DRAM1: variants seen among roughly 807,000 people sequenced by gnomAD.
DRAM1 encodes DNA damage-regulated autophagy modulator protein 1.
Under a neutral mutation model 28.5 loss-of-function variants are expected in DRAM1, and 25 were observed. The observed-to-expected ratio is 0.88, with a 90% CI of 0.64 to 1.23. The LOEUF (loss-of-function observed/expected upper bound fraction) is 1.23, where lower values mean the gene tolerates loss of function less well. DRAM1 is among the 50% of genes most tolerant of loss of function. The pLI is 0.00. For synonymous variants in DRAM1, 113 were observed against 114.2 expected (o/e 0.99, Z 0.07); for missense variants, 249 against 299.2 (o/e 0.83, Z 1.24).
At chr12:101,880,830 A>T (rs1872664045) in intron 1 of DRAM1, among the ~76,000 whole-genome samples, 1 of 152,192 alleles carries the variant, frequency 6.6e-6, no homozygotes. Flanking sequence ...CACAGACCCT[A>T]CAAGGAAGGG....
At chr12:101,883,995 A>G (rs1872785945) in intron 1 of DRAM1, among the ~76,000 whole-genome samples, 2 of 152,128 alleles carry the variant, frequency 1.3e-5, no homozygotes, top group Admixed American at 1.3e-4. Context: ...GTGAGATATA[A>G]CAAGTTAGAA....
chr12:101,906,388 G>GAGT (rs77146917), intron 3 of DRAM1, among the ~76,000 whole-genome samples: 17,138 of 152,232 alleles, frequency 0.11, 1,008 homozygotes, highest in Middle Eastern at 0.18. Context: ...GCTGGGGGAA[G>GAGT]AGTGTGTTCA....
chr12:101,879,728 G>C (rs1872623962), intron 1 of DRAM1, among the ~76,000 whole-genome samples: 1 of 151,948 alleles, frequency 6.6e-6, no homozygotes, highest in African/African-American at 2.4e-5. Context: ...GGGCACAGTG[G>C]CTCACGCCTG....
chr12:101,903,983 T>C (rs550245917), intron 3 of DRAM1, among the ~76,000 whole-genome samples: 2 of 151,682 alleles, frequency 1.3e-5, no homozygotes, highest in South Asian at 4.2e-4. Flanking sequence ...CTCATAAATA[T>C]GAACAATTAT....
chr12:101,905,527 C>T (rs1004848319), intron 3 of DRAM1, among the ~76,000 whole-genome samples: 1 of 152,044 alleles, frequency 6.6e-6, no homozygotes, highest in African/African-American at 2.4e-5. Context: ...AGTGATACAC[C>T]TGCCTTGGCC....
chr12:101,918,012 C>T (rs939683819), intron 5 of DRAM1, among the ~76,000 whole-genome samples: 2 of 152,220 alleles, frequency 1.3e-5, no homozygotes, highest in Non-Finnish European at 2.9e-5. Context: ...CACTTTCTAT[C>T]TTAAAAATGT....
intron 1 of DRAM1, among the ~76,000 whole-genome samples, chr12:101,894,697 T>TTG (rs1873281400): frequency 6.6e-6 from 1 of 152,140 alleles, no homozygotes; most frequent in African/African-American, 2.4e-5. Context: ...ATAGACAGAG[T>TTG]CCCCAGGTCT....
At chr12:101,878,992 TAAAA>T (rs1872595775) in intron 1 of DRAM1, among the ~76,000 whole-genome samples, 2 of 131,056 alleles carry the variant, frequency 1.5e-5, no homozygotes, top group South Asian at 5.1e-4. Context: ...TAGCATTTTT[TAAAA>T]TTTTTTTTAT....
At chr12:101,911,166 G>T (rs1874027606) in intron 4 of DRAM1, among the ~76,000 whole-genome samples, 1 of 152,118 alleles carries the variant, frequency 6.6e-6, no homozygotes, top group Non-Finnish European at 1.5e-5. Context: ...AACCAGGAGT[G>T]GGAGGTTACA....
chr12:101,882,407 G>GC (rs1268517128), intron 1 of DRAM1, among the ~76,000 whole-genome samples: 3 of 151,210 alleles, frequency 2.0e-5, no homozygotes, highest in Non-Finnish European at 2.9e-5. Flanking sequence ...ACCGCGCCCG[G>GC]CCCCTGATGG....
At chr12:101,916,725 A>G (rs1281914767) in intron 5 of DRAM1, among the ~76,000 whole-genome samples, 1 of 152,186 alleles carries the variant, frequency 6.6e-6, no homozygotes, top group African/African-American at 2.4e-5. Context: ...GGGATCATGG[A>G]CCAGAGAGAA....
chr12:101,920,192 A>G lies in DRAM1; in HGVS notation c.663A>G (p.Gln221=), dbSNP rs765680173. The change falls in exon 6 of 7, where the codon CAA becomes CAG. Residue 221 remains glutamine (Q), a synonymous_variant. Coordinates refer to ENST00000258534, the MANE Select transcript of DRAM1 (RefSeq NM_018370.3). ...GFIFYFLTFI[Q]DFQSVTLRIS... The stretch of plus-strand genomic sequence containing the variant: ...TTTTCTACTTCCTAACTTTCATCCA[A>G]GATTTCCAGGTAGGTGTTTATCAAT... The G allele has an allele frequency of 2.5e-6, 4 of 1,609,160 alleles. No individual in the cohort carries two copies. Among genetic ancestry groups the G allele is most frequent in the Non-Finnish European group, 3.4e-6 (4 of 1,177,228 alleles).
intron 1 of DRAM1, chr12:101,890,311 C>T (rs891979208): frequency 7.5e-6 from 2 of 265,560 alleles, no homozygotes; most frequent in Non-Finnish European, 1.5e-5. Context: ...AACTCCTGAC[C>T]TCAGGTGATC....
chr12:101,898,819 T>A (rs1274445597), intron 2 of DRAM1, among the ~76,000 whole-genome samples: 4 of 152,194 alleles, frequency 2.6e-5, no homozygotes, highest in Non-Finnish European at 5.9e-5. Flanking sequence ...ATAGTATGAT[T>A]TTTCTTTTCA....
intron 5 of DRAM1, among the ~76,000 whole-genome samples, chr12:101,915,065 T>C (rs146513732): frequency 0.047 from 7,054 of 151,674 alleles, 552 homozygotes; most frequent in African/African-American, 0.16. Flanking sequence ...GTGCAAGCTC[T>C]GCCTCCCGGG....
chr12:101,901,113 GTGTGT>G (rs1873585241), intron 2 of DRAM1, among the ~76,000 whole-genome samples, 173 bp from the exon 3 acceptor site: 1 of 128,070 alleles, frequency 7.8e-6, no homozygotes, highest in Non-Finnish European at 1.7e-5. Context: ...GTGTGTGTGT[GTGTGT>G]GTGTGTCTGT....
intron 1 of DRAM1, among the ~76,000 whole-genome samples, chr12:101,895,923 G>C (rs1388639434): frequency 6.6e-6 from 1 of 151,452 alleles, no homozygotes; most frequent in African/African-American, 2.4e-5. Context: ...GTCTTGCTCT[G>C]TTGCCCAGGC....
intron 3 of DRAM1, among the ~76,000 whole-genome samples, chr12:101,904,472 T>C (rs4517578): frequency 0.62 from 66,841 of 107,078 alleles, 22,418 homozygotes; most frequent in East Asian, 0.9. Flanking sequence ...GACAGAGTCT[T>C]GCTCTGTCAC....
At position 101,921,519 on chromosome 12, in the gene DRAM1, G is replaced by GA. The variant is rs1425698685; in HGVS notation, c.*265dup. On this transcript the variant is annotated 3_prime_UTR_variant, in exon 7 of 7. Coordinates refer to ENST00000258534, the MANE Select transcript of DRAM1 (RefSeq NM_018370.3). ...TTTTATATTAACAAATTCATATACA[G>GA]AAAAAATAAGGTGTTACAAAAAATG... The GA allele has an allele frequency of 3.3e-6, 1 of 299,078 alleles. No homozygotes were observed. Among genetic ancestry groups the GA allele is most frequent in the Non-Finnish European group, 6.1e-6 (1 of 164,576 alleles). 18.5% of individuals were successfully genotyped at this position (299,078 alleles called of 1,614,324 possible).
Sources: gnomAD v4.1 joint callset for allele counts (sites outside exome capture counted in the v4.1 genomes callset) on GRCh38, gnomAD v4.1.1 for gene constraint, MANE v1.5 for transcripts, NCBI Gene and HGNC (gene_info 2026-07-23, HGNC 2026-07-21) for gene names.